The following ANKRD30A variants were observed in gnomAD, a reference collection of about 807,000 sequenced individuals.
ANKRD30A encodes the protein ankyrin repeat domain 30A.
ANKRD30A carries 170 observed loss-of-function variants against 166.3 expected under a neutral mutation model. That is an observed-to-expected ratio of 1.02 (90% CI 0.90 to 1.16). The LOEUF is 1.16. ANKRD30A is among the 50% of genes most tolerant of loss of function. The probability of loss-of-function intolerance (pLI) is 0.00; values close to 1 mark genes in which losing one functional copy is unlikely to be tolerated. For synonymous variants in ANKRD30A, 564 were observed against 508.9 expected, an observed-to-expected ratio of 1.11 and a Z score of -1.46; for missense variants, 1,630 against 1,518.0, an observed-to-expected ratio of 1.07 and a Z score of -1.23.
chr10:37,165,857 G>C (rs1340677744), intron 18 of ANKRD30A, among the ~76,000 whole-genome samples: 1 of 152,090 alleles, frequency 6.6e-6, no homozygotes, highest in Non-Finnish European at 1.5e-5. Context: ...GAAAGTATCT[G>C]ACCTCTTAGA....
At chr10:37,196,200 A>C (rs1164871736) in intron 27 of ANKRD30A, among the ~76,000 whole-genome samples, 1 of 150,140 alleles carries the variant, frequency 6.7e-6, no homozygotes, top group East Asian at 2.0e-4. Context: ...AAAACAGTTG[A>C]GTGAACTCAC....
the ANKRD30A span, among the ~76,000 whole-genome samples, chr10:37,239,863 T>C: frequency 6.6e-6 from 1 of 152,284 alleles, no homozygotes; most frequent in African/African-American, 2.4e-5. Context: ...GGCACAATTC[T>C]GTAAGTGAGA....
At chr10:37,208,403 A>G (rs1355970496) in intron 31 of ANKRD30A, among the ~76,000 whole-genome samples, 1 of 152,156 alleles carries the variant, frequency 6.6e-6, no homozygotes, top group African/African-American at 2.4e-5. Flanking sequence ...GAGGTAACAG[A>G]GAGTTCCTAC....
At chr10:37,141,031 T>A (rs1276093052) in intron 6 of ANKRD30A, among the ~76,000 whole-genome samples, 1 of 152,218 alleles carries the variant, frequency 6.6e-6, no homozygotes, top group Non-Finnish European at 1.5e-5. Flanking sequence ...TAGGTATCTT[T>A]AAGGTACTAA....
the ANKRD30A span, among the ~76,000 whole-genome samples, chr10:37,249,883 G>C: frequency 1.3e-5 from 2 of 152,210 alleles, no homozygotes; most frequent in East Asian, 3.8e-4. Context: ...CCATTTTGGG[G>C]AAATGAGCCA....
intron 3 of ANKRD30A, among the ~76,000 whole-genome samples, chr10:37,130,707 C>T (rs1836332315): frequency 6.6e-6 from 1 of 152,016 alleles, no homozygotes; most frequent in African/African-American, 2.4e-5. Context: ...ATTGAGTCAA[C>T]ATGTAAAATT....
chr10:37,230,547 G>T (rs1328459655), intron 34 of ANKRD30A, among the ~76,000 whole-genome samples: 1 of 151,968 alleles, frequency 6.6e-6, no homozygotes, highest in African/African-American at 2.4e-5. Context: ...TCATTAAATG[G>T]CTTTTCAGCA....
At chr10:37,217,902 T>A in intron 33 of ANKRD30A, 24 bp downstream of exon 33, 1 of 1,453,390 alleles carries the variant, frequency 6.9e-7, no homozygotes, top group South Asian at 1.4e-5. Flanking sequence ...TGATAAAAAT[T>A]TTATATTTCT....
intron 12 of ANKRD30A, among the ~76,000 whole-genome samples, chr10:37,153,090 C>G (rs1838078314): frequency 6.6e-6 from 1 of 152,126 alleles, no homozygotes; most frequent in Non-Finnish European, 1.5e-5. Context: ...TGCATACATT[C>G]TGTGACAGAC....
In ANKRD30A at chr10:37,162,663, C is replaced by A. The variant is rs759205712; in HGVS notation, c.1915C>A (p.Pro639Thr). ...QTFKAEPPGKPSAFEPATEMQ... is the reference protein window; with the variant it reads ...QTFKAEPPGKTSAFEPATEMQ... ...TTGCTTTTTAGAGCCTCCGGGGAAG[C>A]CATCTGCCTTCGAGGTATTTAGTTT... is the stretch of plus-strand genomic sequence containing the variant. The change falls in exon 16 of 36, where the codon CCA becomes ACA. Residue 639 changes from proline (P) to threonine (T), a missense_variant. Coordinates refer to ENST00000361713, the MANE Select transcript of ANKRD30A (RefSeq NM_052997.3). The A allele has an allele frequency of 4.3e-6, 7 of 1,612,338 alleles. No homozygotes were observed. The South Asian group carries it at 7.7e-5, about 18-fold the overall frequency.
chr10:37,205,247 C>T (rs1474866319), intron 31 of ANKRD30A, among the ~76,000 whole-genome samples: 4 of 152,112 alleles, frequency 2.6e-5, no homozygotes, highest in African/African-American at 9.7e-5. Context: ...GGCACATATA[C>T]ACCATGGAAT....
chr10:37,198,098 T>C (rs1033607615), intron 29 of ANKRD30A, among the ~76,000 whole-genome samples: 2 of 152,114 alleles, frequency 1.3e-5, no homozygotes, highest in Non-Finnish European at 2.9e-5. Flanking sequence ...GATTCTGAAG[T>C]GTTTGGCTTT....
chr10:37,193,009 G>C (rs1434031666), intron 25 of ANKRD30A, 55 bp from the exon 26 acceptor site: 5 of 1,576,084 alleles, frequency 3.2e-6, no homozygotes, highest in African/African-American at 2.7e-5. Flanking sequence ...GTGAATGTTC[G>C]GTAGGCTTTG....
intron 1 of ANKRD30A, among the ~76,000 whole-genome samples, chr10:37,127,658 TA>T (rs1259100861): frequency 6.6e-6 from 1 of 152,166 alleles, no homozygotes; most frequent in East Asian, 1.9e-4. Flanking sequence ...AGTCCTTTTT[TA>T]AGATCTGCAA....
chr10:37,152,027 G>C lies in ANKRD30A; in HGVS notation c.1646-33G>C, dbSNP rs17590113. 25 of 1,551,820 alleles carry C rather than the reference G, an allele frequency of 1.6e-5. No individual in the cohort carries two copies. The South Asian group carries it at 2.6e-4, about 16-fold the overall frequency. ...TTAAAATTTATAGTAGAGAAATGTTGTCATGAATGTTTCTGTGATTAACCT... is the reference window on the plus strand; with the variant it reads ...TTAAAATTTATAGTAGAGAAATGTTCTCATGAATGTTTCTGTGATTAACCT... On this transcript the variant is annotated intron_variant, in intron 11 of 35. Transcript: ENST00000361713.
At chr10:37,245,937 A>C in the ANKRD30A span, among the ~76,000 whole-genome samples, 3 of 152,180 alleles carry the variant, frequency 2.0e-5, no homozygotes. Context: ...TTTCCTCAAC[A>C]TGGCTGCTTG....
At chr10:37,150,296 C>T (rs1286203777) in intron 11 of ANKRD30A, among the ~76,000 whole-genome samples, 2 of 151,814 alleles carry the variant, frequency 1.3e-5, no homozygotes, top group African/African-American at 2.4e-5. Flanking sequence ...AAATCAGTAA[C>T]TCGGATTAGT....
the ANKRD30A span, among the ~76,000 whole-genome samples, chr10:37,251,355 C>G: frequency 6.6e-6 from 1 of 152,042 alleles, no homozygotes; most frequent in Non-Finnish European, 1.5e-5. Flanking sequence ...TTATTCTCCT[C>G]CCTCCCAAAA....
Position 37,130,385 on chromosome 10 carries a change from A to T in ANKRD30A, c.510+7A>T, listed in dbSNP as rs1455134882. The stretch of plus-strand genomic sequence containing the variant: ...CATCGAAGTGCACAACAAGGTAGAC[A>T]CTAACCAATGTTATTTTCAAAATAT... On this transcript the variant is annotated splice_region_variant and intron_variant, in intron 3 of 35. Transcript: ENST00000361713. The T allele has an allele frequency of 1.4e-6, 2 of 1,436,488 alleles. No homozygotes were observed. Among genetic ancestry groups the T allele is most frequent in the East Asian group, 5.4e-5 (2 of 37,330 alleles). The allele number at this position is 1,436,488 out of a possible 1,614,324, so 89.0% of individuals were successfully genotyped here.
Sources: gnomAD v4.1 joint callset for allele counts (sites outside exome capture counted in the v4.1 genomes callset) on GRCh38, gnomAD v4.1.1 for gene constraint, MANE v1.5 for transcripts, NCBI Gene and HGNC (gene_info 2026-07-23, HGNC 2026-07-21) for gene names.